Variants in PITPNC1 observed in about 807,000 individuals in gnomAD.
PITPNC1 encodes the protein phosphatidylinositol transfer protein cytoplasmic 1, also known as cytoplasmic phosphatidylinositol transfer protein 1.
PITPNC1 carries 18 observed loss-of-function variants against 44.7 expected under a neutral mutation model. That is an observed-to-expected ratio of 0.40 (90% CI 0.28 to 0.60). PITPNC1 has a LOEUF of 0.60. Ranked by LOEUF, PITPNC1 falls within the 20% of genes least tolerant of loss-of-function variation. PITPNC1 has a pLI of 0.39. For synonymous variants in PITPNC1, 141 were observed against 149.6 expected (o/e 0.94, Z 0.42); for missense variants, 290 against 418.4 (o/e 0.69, Z 2.68).
intron 8 of PITPNC1, among the ~76,000 whole-genome samples, chr17:67,690,222 C>T (rs1158971353): frequency 2.6e-5 from 4 of 151,974 alleles, no homozygotes; most frequent in East Asian, 1.9e-4. Context: ...CTGAGGTGGA[C>T]GGATGACCTG....
At chr17:67,489,668 C>T (rs899498924) in intron 1 of PITPNC1, among the ~76,000 whole-genome samples, 3 of 152,198 alleles carry the variant, frequency 2.0e-5, no homozygotes, top group Non-Finnish European at 4.4e-5. Flanking sequence ...TTCTGTAGCA[C>T]CCAAGTGAAT....
chr17:67,407,716 C>T (rs2038420779), intron 1 of PITPNC1, among the ~76,000 whole-genome samples: 1 of 151,806 alleles, frequency 6.6e-6, no homozygotes, highest in Non-Finnish European at 1.5e-5. Context: ...ATCGCTTGAA[C>T]CCAGGAGGCA....
intron 5 of PITPNC1, among the ~76,000 whole-genome samples, chr17:67,594,329 G>A (rs1036064091): frequency 1.3e-5 from 2 of 152,068 alleles, no homozygotes; most frequent in African/African-American, 4.8e-5. Flanking sequence ...ATACCTCATG[G>A]GAACCACTTC....
chr17:67,512,958 T>A, intron 1 of PITPNC1, among the ~76,000 whole-genome samples: 1 of 152,186 alleles, frequency 6.6e-6, no homozygotes, highest in Non-Finnish European at 1.5e-5. Context: ...AAAGTCAAGT[T>A]GTGTACCCCA....
intron 1 of PITPNC1, among the ~76,000 whole-genome samples, chr17:67,386,773 T>A (rs2038060477): frequency 2.0e-5 from 3 of 152,164 alleles, no homozygotes; most frequent in Admixed American, 6.5e-5. Context: ...TCTGTAGTGT[T>A]AGGCAAGTCT....
chr17:67,614,724 A>G (rs2041735757), intron 5 of PITPNC1, among the ~76,000 whole-genome samples: 1 of 151,526 alleles, frequency 6.6e-6, no homozygotes, highest in Non-Finnish European at 1.5e-5. Context: ...TAAAAATGAC[A>G]TCACAGCCCA....
intron 1 of PITPNC1, among the ~76,000 whole-genome samples, chr17:67,528,998 G>A (rs1338750741): frequency 6.6e-6 from 1 of 152,146 alleles, no homozygotes; most frequent in East Asian, 1.9e-4. Context: ...AAGAAGTGAC[G>A]GCTGCAGAGC....
intron 1 of PITPNC1, among the ~76,000 whole-genome samples, chr17:67,499,703 T>TTCCTC (rs761373618): frequency 1.2e-4 from 18 of 152,238 alleles, no homozygotes; most frequent in Non-Finnish European, 2.2e-4. Context: ...ACTGTACCTT[T>TTCCTC]TCTGTGTTTA....
chr17:67,381,888 T>A (rs542674443), intron 1 of PITPNC1, among the ~76,000 whole-genome samples: 1 of 152,290 alleles, frequency 6.6e-6, no homozygotes, highest in African/African-American at 2.4e-5. Context: ...CCTTATCCCT[T>A]CTCCCTCATT....
At chr17:67,615,232 C>G (rs1208674749) in intron 5 of PITPNC1, among the ~76,000 whole-genome samples, 1 of 152,232 alleles carries the variant, frequency 6.6e-6, no homozygotes. Context: ...CTACCAGGAA[C>G]AAGTAACGAT....
chr17:67,409,245 C>G (rs907284512), intron 1 of PITPNC1, among the ~76,000 whole-genome samples: 1 of 150,822 alleles, frequency 6.6e-6, no homozygotes, highest in Non-Finnish European at 1.5e-5. Flanking sequence ...CCACCGCGCC[C>G]GGCTAATTTT....
chr17:67,401,941 A>G (rs898619776), intron 1 of PITPNC1, among the ~76,000 whole-genome samples: 1 of 152,090 alleles, frequency 6.6e-6, no homozygotes, highest in Non-Finnish European at 1.5e-5. Context: ...GATTGAATTT[A>G]TGAAATGCTT....
chr17:67,631,991 A>G (rs1182486857), intron 5 of PITPNC1, among the ~76,000 whole-genome samples, 152 bp from the exon 6 acceptor site: 4 of 151,824 alleles, frequency 2.6e-5, no homozygotes, highest in African/African-American at 7.3e-5. Context: ...AAAGCCTTCT[A>G]TGATTCTTGC....
chr17:67,514,940 C>G (rs1286897791), intron 1 of PITPNC1, among the ~76,000 whole-genome samples: 3 of 152,196 alleles, frequency 2.0e-5, no homozygotes, highest in Non-Finnish European at 4.4e-5. Flanking sequence ...GCTAAAACTT[C>G]AACACTTCAA....
chr17:67,648,342 A>G (rs1452743935), intron 6 of PITPNC1, among the ~76,000 whole-genome samples: 1 of 152,208 alleles, frequency 6.6e-6, no homozygotes, highest in African/African-American at 2.4e-5. Context: ...TCTAAAGAGC[A>G]CTGCTAAAAT....
chr17:67,480,864 G>T (rs1011928025), intron 1 of PITPNC1, among the ~76,000 whole-genome samples: 7 of 152,152 alleles, frequency 4.6e-5, no homozygotes, highest in African/African-American at 1.4e-4. Flanking sequence ...CACATGGGTA[G>T]AAGGCTAAGC....
chr17:67,494,216 T>TCTTTCTCTCTCTCTCTCTCTCTCTCTCTC (rs371994851), intron 1 of PITPNC1, among the ~76,000 whole-genome samples: 1 of 148,154 alleles, frequency 6.7e-6, no homozygotes, highest in African/African-American at 2.6e-5. Flanking sequence ...TTTCTTTCTT[T>TCTTTCTCTCTCTCTCTCTCTCTCTCTCTC]TTGAGACGTA....
intron 4 of PITPNC1, among the ~76,000 whole-genome samples, chr17:67,556,246 C>G (rs958175110): frequency 6.6e-6 from 1 of 152,078 alleles, no homozygotes; most frequent in Non-Finnish European, 1.5e-5. Flanking sequence ...GCTACAGTCC[C>G]CAATGTGGGA....
intron 5 of PITPNC1, among the ~76,000 whole-genome samples, chr17:67,593,219 G>T (rs2041415611): frequency 6.6e-6 from 1 of 151,468 alleles, no homozygotes; most frequent in South Asian, 2.1e-4. Context: ...TGTGGACTAA[G>T]TTCACAATAA....
Sources: allele counts gnomAD v4.1 joint callset (sites outside exome capture counted in the v4.1 genomes callset), GRCh38; gene constraint gnomAD v4.1.1; transcripts MANE v1.5; gene names NCBI Gene and HGNC (gene_info 2026-07-23, HGNC 2026-07-21).